The following PXDNL variants were observed in gnomAD, a reference collection of about 807,000 sequenced individuals.
The protein encoded by PXDNL is probable oxidoreductase PXDNL.
In PXDNL, 145 loss-of-function variants were observed where a neutral mutation model predicts 150.8. The ratio of observed to expected loss-of-function variants is 0.96; its 90% CI spans 0.84 to 1.10. PXDNL has a LOEUF of 1.10. PXDNL is among the 50% of genes least tolerant of loss of function. PXDNL has a pLI of 0.00. For missense variants in PXDNL, 2,087 were observed against 1,873.9 expected (o/e 1.11, Z -2.10); for synonymous variants, 757 against 725.7 (o/e 1.04, Z -0.69).
At chr8:51,462,154 C>A (rs908090775) in intron 8 of PXDNL, among the ~76,000 whole-genome samples, 10 of 152,176 alleles carry the variant, frequency 6.6e-5, no homozygotes, top group African/African-American at 4.8e-5. Flanking sequence ...AAGCCCCATA[C>A]AACTGACAGC....
At chr8:51,565,816 T>C (rs1812816796) in intron 3 of PXDNL, among the ~76,000 whole-genome samples, 2 of 151,916 alleles carry the variant, frequency 1.3e-5, no homozygotes, top group African/African-American at 2.4e-5. Context: ...TATCTCATTA[T>C]GTATATGCAA....
chr8:51,336,844 G>A (rs555204393), intron 21 of PXDNL, among the ~76,000 whole-genome samples: 1 of 152,190 alleles, frequency 6.6e-6, no homozygotes, highest in Non-Finnish European at 1.5e-5. Flanking sequence ...CCTGGTCATA[G>A]CTTGAGTAAG....
At chr8:51,691,345 T>C (rs2130863011) in intron 1 of PXDNL, among the ~76,000 whole-genome samples, 1 of 152,344 alleles carries the variant, frequency 6.6e-6, no homozygotes, top group East Asian at 1.9e-4. Context: ...TTAATTTTTG[T>C]ATAAGGTGTA....
At position 51,409,102 on chromosome 8, in the gene PXDNL, G is replaced by T. The variant is rs765867956; in HGVS notation, c.2522C>A (p.Pro841His). 8 of 1,609,206 alleles carry T rather than the reference G, an allele frequency of 5.0e-6. No individual in the cohort carries two copies. The highest frequency in any genetic ancestry group is 5.9e-6 in the Non-Finnish European group (7 of 1,179,438). ...PCSSVCTNDP[P>H]CFPMNTRHAD... is the part of the protein sequence containing the mutation. ...GTGCCGGGTGTTCATGGGGAAACAA[G>T]GAGGGTCGTTGGTGCAGACGGAGCT... is the stretch of plus-strand genomic sequence containing the variant. Residue 841 changes from proline (P) to histidine (H), a missense_variant, in exon 17 of 23, where the codon CCT (proline) becomes CAT (histidine). Physicochemically the swap from Pro to His is moderately conservative, Grantham distance 77 (BLOSUM62 -2). Transcript: ENST00000356297.
At chr8:51,405,822 T>A (rs530728838) in intron 17 of PXDNL, among the ~76,000 whole-genome samples, 4 of 152,298 alleles carry the variant, frequency 2.6e-5, no homozygotes, top group Admixed American at 1.3e-4. Context: ...CAGTCAGCAA[T>A]GCTCTCTCCT....
intron 2 of PXDNL, among the ~76,000 whole-genome samples, chr8:51,641,337 A>G (rs553800523): frequency 0.017 from 2,538 of 150,046 alleles, 29 homozygotes; most frequent in Non-Finnish European, 0.024. Flanking sequence ...TGGCAACAAA[A>G]GCCAAAATTG....
intron 1 of PXDNL, among the ~76,000 whole-genome samples, chr8:51,733,030 C>T (rs772333447): frequency 7.2e-5 from 11 of 152,172 alleles, no homozygotes; most frequent in Non-Finnish European, 1.6e-4. Context: ...ATTTTTAGAG[C>T]AATTTGTCAC....
intron 2 of PXDNL, among the ~76,000 whole-genome samples, chr8:51,631,929 GAGA>G (rs1277396115): frequency 2.0e-5 from 3 of 152,044 alleles, no homozygotes; most frequent in South Asian, 2.1e-4. Context: ...AGTAATGGAG[GAGA>G]AGAAGAACAG....
At chr8:51,431,643 T>TC (rs1809250465) in intron 12 of PXDNL, among the ~76,000 whole-genome samples, 1 of 152,172 alleles carries the variant, frequency 6.6e-6, no homozygotes, top group Admixed American at 6.5e-5. Context: ...ATAATATCGC[T>TC]CATAGCTTTT....
chr8:51,589,157 C>T (rs1482809154), intron 3 of PXDNL, among the ~76,000 whole-genome samples: 1 of 152,092 alleles, frequency 6.6e-6, no homozygotes, highest in East Asian at 1.9e-4. Flanking sequence ...CAGATGCAGC[C>T]CCTCAGTCTT....
rs112295935 is a variant in PXDNL at position 51,453,407 on chromosome 8, T to C, written c.1249+112A>G. The C allele has an allele frequency of 5.0e-3, 5,703 of 1,151,828 alleles. 205 individuals carry two copies. In the African/African-American group the frequency reaches 0.078, roughly 16 times the overall value. 71.4% of individuals were successfully genotyped at this position (1,151,828 alleles called of 1,614,324 possible). On this transcript the variant is annotated intron_variant, in intron 10 of 22. Transcript: ENST00000356297. ...AAAATCTTATTGTGTCAAAAAATAA[T>C]TGGCAAATAAAAATATTTCTCCACT... is the stretch of plus-strand genomic sequence containing the variant.
chr8:51,777,529 G>A (rs147824566), intron 1 of PXDNL, among the ~76,000 whole-genome samples: 6 of 152,270 alleles, frequency 3.9e-5, no homozygotes, highest in Admixed American at 2.0e-4. Flanking sequence ...CTCAAGTTTC[G>A]GTTCAGTGAA....
chr8:51,582,907 G>T (rs982505811), intron 3 of PXDNL, among the ~76,000 whole-genome samples: 1 of 130,278 alleles, frequency 7.7e-6, no homozygotes. Context: ...GGTAAACGAT[G>T]GCTGATCTAC....
chr8:51,719,699 A>AT (rs200136778), intron 1 of PXDNL, among the ~76,000 whole-genome samples: 5 of 152,044 alleles, frequency 3.3e-5, no homozygotes, highest in East Asian at 1.9e-4. Flanking sequence ...TATAAACATG[A>AT]TTTTTTTAAA....
At chr8:51,476,330 A>C (rs918105768) in intron 6 of PXDNL, among the ~76,000 whole-genome samples, 1 of 152,176 alleles carries the variant, frequency 6.6e-6, no homozygotes, top group African/African-American at 2.4e-5. Context: ...CCTTGGCATC[A>C]ATATGGATAG....
intron 4 of PXDNL, among the ~76,000 whole-genome samples, chr8:51,534,440 A>G: frequency 1.1e-5 from 1 of 90,774 alleles, no homozygotes; most frequent in African/African-American, 5.5e-5. Context: ...GGAAGTGAGG[A>G]GCCCCTCTGC....
intron 17 of PXDNL, among the ~76,000 whole-genome samples, chr8:51,393,037 T>C (rs904542236): frequency 5.3e-5 from 8 of 152,210 alleles, no homozygotes; most frequent in Non-Finnish European, 8.8e-5. Context: ...TTTACTTAAT[T>C]TAAAGCCAGT....
At chr8:51,620,100 A>G (rs1233238174) in intron 2 of PXDNL, among the ~76,000 whole-genome samples, 1 of 152,218 alleles carries the variant, frequency 6.6e-6, no homozygotes, top group African/African-American at 2.4e-5. Context: ...TCATATCTCA[A>G]AAATTTTGTT....
At chr8:51,630,371 C>G (rs1383552751) in intron 2 of PXDNL, among the ~76,000 whole-genome samples, 3 of 152,034 alleles carry the variant, frequency 2.0e-5, no homozygotes, top group African/African-American at 7.2e-5. Context: ...GGACATAGGC[C>G]TTGGCAAAGA....
Sources: gnomAD v4.1 joint callset for allele counts (sites outside exome capture counted in the v4.1 genomes callset) on GRCh38, gnomAD v4.1.1 for gene constraint, MANE v1.5 for transcripts, NCBI Gene and HGNC (gene_info 2026-07-23, HGNC 2026-07-21) for gene names.